PARP9: variants seen among roughly 807,000 people sequenced by gnomAD.
PARP9 encodes the protein poly(ADP-ribose) polymerase family member 9, also known as protein mono-ADP-ribosyltransferase PARP9.
A neutral mutation model predicts 68.8 loss-of-function variants in PARP9; 48 were observed. That is an observed-to-expected ratio of 0.70 (90% CI 0.55 to 0.89). The LOEUF (loss-of-function observed/expected upper bound fraction) is 0.89. PARP9 is among the 40% of genes least tolerant of loss of function. PARP9 has a pLI of 0.00. For missense variants in PARP9, 806 were observed against 969.3 expected (o/e 0.83, Z 2.24); for synonymous variants, 309 against 333.8 (o/e 0.93, Z 0.81).
intron 2 of PARP9, among the ~76,000 whole-genome samples, chr3:122,559,401 G>C (rs2079996540): frequency 6.6e-6 from 1 of 152,170 alleles, no homozygotes; most frequent in Non-Finnish European, 1.5e-5. Context: ...AAATCATCCA[G>C]CTTCAAGTTG....
intron 10 of PARP9, chr3:122,534,101 C>T: frequency 2.1e-6 from 2 of 971,984 alleles, no homozygotes; most frequent in Non-Finnish European, 2.4e-6. Context: ...GGGAGAAGGG[C>T]AGAGCACACA....
chr3:122,550,859 AC>A, intron 5 of PARP9, 57 bp from the exon 6 acceptor site: 1 of 1,452,390 alleles, frequency 6.9e-7, no homozygotes, highest in Non-Finnish European at 9.6e-7. Context: ...GACTCCACTT[AC>A]CCCTTGATCC....
chr3:122,560,637 C>T (rs535575352), intron 1 of PARP9, among the ~76,000 whole-genome samples: 71 of 152,280 alleles, frequency 4.7e-4, no homozygotes, highest in African/African-American at 1.7e-3. Context: ...CTACCCGTCT[C>T]GGCCTCCCAA....
Position 122,528,351 on chromosome 3 carries a change from A to C in PARP9, c.*13T>G. ...AAGGTAAGGCCATACCAGCTGTTAAAATGATGTAGAGATTAATCAACAGGG... is the reference window on the plus strand; with the variant it reads ...AAGGTAAGGCCATACCAGCTGTTAACATGATGTAGAGATTAATCAACAGGG... On this transcript the variant is annotated 3_prime_UTR_variant, in exon 11 of 11. Coordinates refer to ENST00000682323, the MANE Select transcript of PARP9 (RefSeq NM_001146105.2). The C allele has an allele frequency of 6.2e-7, 1 of 1,604,830 alleles. No homozygotes were observed. The highest frequency in any genetic ancestry group is 8.5e-7 in the Non-Finnish European group (1 of 1,174,596).
intron 3 of PARP9, among the ~76,000 whole-genome samples, chr3:122,557,619 C>T (rs1438201491): frequency 6.6e-6 from 1 of 152,188 alleles, no homozygotes; most frequent in Non-Finnish European, 1.5e-5. Flanking sequence ...ACGTGGGACA[C>T]CTCTAACAGT....
chr3:122,539,450 A>G (rs937627936), intron 8 of PARP9, among the ~76,000 whole-genome samples: 3 of 152,106 alleles, frequency 2.0e-5, no homozygotes, highest in African/African-American at 7.2e-5. Context: ...CATGGGTGCA[A>G]TATGCATTAG....
chr3:122,539,460 G>GTTGAATGA (rs1204295573), intron 8 of PARP9, among the ~76,000 whole-genome samples: 2 of 152,090 alleles, frequency 1.3e-5, no homozygotes, highest in Admixed American at 6.6e-5. Context: ...ATATGCATTA[G>GTTGAATGA]TTGAATGATA....
At chr3:122,559,140 T>C (rs1351793190) in intron 2 of PARP9, among the ~76,000 whole-genome samples, 4 of 152,192 alleles carry the variant, frequency 2.6e-5, no homozygotes, top group Non-Finnish European at 4.4e-5. Flanking sequence ...CAAAAGCTCA[T>C]GGGGTTTCTC....
Position 122,555,508 on chromosome 3 carries a change from T to C in PARP9, c.663A>G (p.Val221=). 1 of 1,614,198 alleles carries C rather than the reference T, an allele frequency of 6.2e-7. No individual in the cohort carries two copies. The highest frequency in any genetic ancestry group is 8.5e-7 in the Non-Finnish European group (1 of 1,180,028). ...FPLNLCTKTI[V]ETIRVSLQGK... is the part of the protein sequence containing the mutation. ...CTTGCAAACTAACCCGGATAGTCTC[T>C]ACAATAGTCTTTGTACACAAATTCA... Residue 221 remains valine (V), a synonymous_variant, in exon 4 of 11, where the codon GTA becomes GTG. Coordinates refer to ENST00000682323, the MANE Select transcript of PARP9 (RefSeq NM_001146105.2).
At chr3:122,561,073 A>G (rs998747084) in intron 1 of PARP9, among the ~76,000 whole-genome samples, 3 of 152,052 alleles carry the variant, frequency 2.0e-5, no homozygotes, top group African/African-American at 7.2e-5. Context: ...AAGCAGCCAA[A>G]CTTCTGGAAT....
At chr3:122,559,023 C>A (rs2079964266) in intron 2 of PARP9, among the ~76,000 whole-genome samples, 2 of 152,190 alleles carry the variant, frequency 1.3e-5, no homozygotes, top group Admixed American at 1.3e-4. Flanking sequence ...CATCTCAGTG[C>A]ATCTCATTCT....
At chr3:122,536,844 G>T in intron 9 of PARP9, 90 bp downstream of exon 9, 1 of 1,445,142 alleles carries the variant, frequency 6.9e-7, no homozygotes, top group Non-Finnish European at 9.4e-7. Flanking sequence ...AGCCAGCTTA[G>T]AATCATCAGC....
At chr3:122,537,240 G>C (rs568058717) in intron 8 of PARP9, among the ~76,000 whole-genome samples, 167 bp from the exon 9 acceptor site, 4 of 152,298 alleles carry the variant, frequency 2.6e-5, no homozygotes, top group African/African-American at 9.6e-5. Context: ...GAGCGGTCAG[G>C]ATAAAATAAA....
rs764210998 is a variant in PARP9 at position 122,552,679 on chromosome 3, C to A, written c.886-40G>T. 25 of 1,451,500 alleles carry A rather than the reference C, an allele frequency of 1.7e-5. 2 individuals are homozygous for A. In the South Asian group the frequency reaches 2.8e-4, roughly 16 times the overall value. The allele number at this position is 1,451,500 out of a possible 1,614,324, so 89.9% of individuals were successfully genotyped here. A position where few individuals can be genotyped will look rare whatever the true frequency, so the allele number is the denominator to read the frequency against. On this transcript the variant is annotated intron_variant, in intron 4 of 10. Coordinates refer to ENST00000682323, the MANE Select transcript of PARP9 (RefSeq NM_001146105.2). Reference sequence around the variant, plus strand: ...AAGGGTAGGATTCATTGTTAAATTCCTTCTTCTTAAATGACTAATTTAAAT... The same window carrying A: ...AAGGGTAGGATTCATTGTTAAATTCATTCTTCTTAAATGACTAATTTAAAT...
intron 10 of PARP9, chr3:122,534,091 G>GCATT: frequency 3.1e-6 from 3 of 980,772 alleles, no homozygotes; most frequent in Non-Finnish European, 3.6e-6. Context: ...CTAAGGGATA[G>GCATT]GGAGAAGGGC....
chr3:122,560,240 A>G (rs911500321), intron 1 of PARP9, among the ~76,000 whole-genome samples: 7 of 152,330 alleles, frequency 4.6e-5, no homozygotes, highest in African/African-American at 1.4e-4. Flanking sequence ...AAAATCTGGG[A>G]AAAATACTTT....
chr3:122,542,288 G>A (rs1212685794), intron 7 of PARP9, among the ~76,000 whole-genome samples: 1 of 129,184 alleles, frequency 7.7e-6, no homozygotes, highest in Non-Finnish European at 1.6e-5. Flanking sequence ...TTTAGAGACA[G>A]GGTGTCACTA....
At chr3:122,557,491 A>G (rs898813383) in intron 3 of PARP9, among the ~76,000 whole-genome samples, 2 of 152,228 alleles carry the variant, frequency 1.3e-5, no homozygotes, top group Non-Finnish European at 2.9e-5. Flanking sequence ...AGTGGGAAAT[A>G]CAGTTAGCTG....
chr3:122,539,572 T>TTCTTTCTTTCTTTCTTTTCTTTTC, intron 8 of PARP9, among the ~76,000 whole-genome samples: 1 of 144,214 alleles, frequency 6.9e-6, no homozygotes, highest in East Asian at 2.0e-4. Context: ...TCTTTCTTTT[T>TTCTTTCTTTCTTTCTTTTCTTTTC]TTTTTGAGAC....
Sources: gnomAD v4.1 joint callset for allele counts (sites outside exome capture counted in the v4.1 genomes callset) on GRCh38, gnomAD v4.1.1 for gene constraint, MANE v1.5 for transcripts, NCBI Gene and HGNC (gene_info 2026-07-23, HGNC 2026-07-21) for gene names.